Variants in UPRT observed in about 807,000 individuals in gnomAD.
UPRT encodes RP11-311P8.3.
UPRT carries 5 observed loss-of-function variants against 22.6 expected under a neutral mutation model. The ratio of observed to expected loss-of-function variants is 0.22; its 90% confidence interval spans 0.12 to 0.47. The LOEUF (loss-of-function observed/expected upper bound fraction) is 0.47, where lower values mean the gene tolerates loss of function less well. UPRT is among the 20% of genes least tolerant of loss of function. The probability of loss-of-function intolerance (pLI) is 0.99; values close to 1 mark genes in which losing one functional copy is unlikely to be tolerated. For missense variants in UPRT, 181 were observed against 239.9 expected (o/e 0.75, Z 1.62); for synonymous variants, 77 against 87.7 (o/e 0.88, Z 0.68).
At chrX:75,286,774 A>T (rs899696739) in intron 1 of UPRT, among the ~76,000 whole-genome samples, 2 of 111,944 alleles carry the variant, frequency 1.8e-5, no homozygotes, top group Non-Finnish European at 3.8e-5. Context: ...GCATTCCCTT[A>T]TTAGGGCAAA....
chrX:75,174,952 G>C (rs763533932), intron 4 of UPRT, among the ~76,000 whole-genome samples: 1 of 109,836 alleles, frequency 9.1e-6, no homozygotes, highest in Non-Finnish European at 1.9e-5. Flanking sequence ...TTGACTTTCT[G>C]TGTCTGTCCC....
chrX:75,260,135 C>T (rs2082562968), intron 4 of UPRT, among the ~76,000 whole-genome samples: 4 of 112,010 alleles, frequency 3.6e-5, no homozygotes. Context: ...ACAACGGGTA[C>T]CAGCCACTGC....
intron 4 of UPRT, among the ~76,000 whole-genome samples, chrX:75,264,155 G>A (rs2082578509): frequency 9.0e-6 from 1 of 111,427 alleles, no homozygotes; most frequent in Admixed American, 9.6e-5. Flanking sequence ...GTCAGTTTTG[G>A]AATAGGTGTG....
intron 4 of UPRT, among the ~76,000 whole-genome samples, chrX:75,260,932 A>G (rs1602479341): frequency 8.9e-6 from 1 of 112,479 alleles, no homozygotes; most frequent in Middle Eastern, 4.6e-3. Flanking sequence ...TCAAATGAGA[A>G]CTGAGGATTA....
At chrX:75,236,115 T>C (rs1411178312) in intron 4 of UPRT, among the ~76,000 whole-genome samples, 1 of 111,219 alleles carries the variant, frequency 9.0e-6, no homozygotes, top group African/African-American at 3.3e-5. Context: ...GGATACAAAA[T>C]CAATGTACAA....
chrX:75,241,201 C>T (rs188765170), intron 4 of UPRT, among the ~76,000 whole-genome samples: 1 of 111,363 alleles, frequency 9.0e-6, no homozygotes, highest in Admixed American at 9.6e-5. Flanking sequence ...TATCCAGAAT[C>T]TCCAAGGAGC....
Position 75,277,773 on chromosome X carries a change from T to G in UPRT, c.386+3133T>G, listed in dbSNP as rs997206642. Among the ~76,000 whole-genome samples, 4 of 112,122 alleles carry G rather than the reference T, an allele frequency of 3.6e-5. No homozygotes were observed. The East Asian group carries it at 1.1e-3, about 31-fold the overall frequency. ...ACTGGGATATTGTAGATAATTTTTA[T>G]CTTGTTTTGATATAGTATGGAAAGA... On this transcript the variant is annotated intron_variant, in intron 1 of 6. Transcript: ENST00000373383.
intron 4 of UPRT, among the ~76,000 whole-genome samples, chrX:75,188,406 A>C (rs2147616015): frequency 8.9e-6 from 1 of 112,030 alleles, no homozygotes; most frequent in African/African-American, 3.2e-5. Context: ...GTGTGCTGGG[A>C]GAACCACTGC....
intron 1 of UPRT, among the ~76,000 whole-genome samples, chrX:75,159,479 C>G: frequency 8.9e-6 from 1 of 111,906 alleles, no homozygotes. Flanking sequence ...ACAATATGTA[C>G]AGCTATTACA....
chrX:75,214,496 A>G (rs1029028346), intron 4 of UPRT, among the ~76,000 whole-genome samples: 2 of 112,916 alleles, frequency 1.8e-5, no homozygotes, highest in Non-Finnish European at 3.7e-5. Flanking sequence ...TGAAGGGAAC[A>G]TGATGAGGTG....
At chrX:75,198,133 ATATTCACACAATAAAATAC>A (rs2082337924) in intron 4 of UPRT, among the ~76,000 whole-genome samples, 1 of 112,964 alleles carries the variant, frequency 8.9e-6, no homozygotes, top group Non-Finnish European at 1.9e-5. Flanking sequence ...AAATTGTGGT[ATATTCACACAATAAAATAC>A]TACCCAGCTA....
intron 1 of UPRT, among the ~76,000 whole-genome samples, chrX:75,282,791 T>C (rs1272803787): frequency 1.8e-5 from 2 of 111,597 alleles, no homozygotes; most frequent in Non-Finnish European, 3.8e-5. Flanking sequence ...TTAAGTCAAT[T>C]TGTTCCGAGG....
chrX:75,288,680 AC>A (rs1230876648), intron 1 of UPRT, among the ~76,000 whole-genome samples: 3 of 111,923 alleles, frequency 2.7e-5, no homozygotes, highest in African/African-American at 9.7e-5. Context: ...AAAGGAAAAT[AC>A]CTGAAAATAA....
chrX:75,205,263 G>A (rs961159214), intron 4 of UPRT, among the ~76,000 whole-genome samples: 2 of 108,808 alleles, frequency 1.8e-5, no homozygotes. Context: ...CCGGCTACTC[G>A]GGAGGCTGAG....
chrX:75,165,922 A>C (rs1602433778), intron 3 of UPRT, among the ~76,000 whole-genome samples: 2 of 111,646 alleles, frequency 1.8e-5, no homozygotes, highest in South Asian at 7.5e-4. Flanking sequence ...ATTTGACATA[A>C]AAATGATGAA....
chrX:75,210,991 A>C (rs1245975021), intron 4 of UPRT, among the ~76,000 whole-genome samples: 2 of 111,086 alleles, frequency 1.8e-5, no homozygotes, highest in African/African-American at 6.6e-5. Context: ...AATGGAGTCC[A>C]CCAAGCCCTG....
chrX:75,303,537 A>T lies in UPRT; in HGVS notation c.*26A>T. On this transcript the variant is annotated 3_prime_UTR_variant, in exon 7 of 7. Coordinates refer to ENST00000373383, the MANE Select transcript of UPRT (RefSeq NM_145052.4). The stretch of plus-strand genomic sequence containing the variant: ...GTTATTTAAGTAAAATAATTATCTT[A>T]TGTAATATTACAATCATGTTTTGAT... 4.7e-6 allele frequency: 5 copies of T among 1,053,273 alleles called. No individual in the cohort carries two copies. Among genetic ancestry groups the T allele is most frequent in the Non-Finnish European group, 6.5e-6 (5 of 771,308 alleles). 86.8% of individuals were successfully genotyped at this position (1,053,273 alleles called of 1,213,427 possible).
chrX:75,262,730 G>A (rs771774482), intron 4 of UPRT, among the ~76,000 whole-genome samples: 105 of 111,895 alleles, frequency 9.4e-4, no homozygotes, highest in Non-Finnish European at 1.5e-3. Flanking sequence ...AATGGTAAAG[G>A]AATCAAGGCA....
chrX:75,249,884 C>T (rs1395168364), intron 4 of UPRT, among the ~76,000 whole-genome samples: 6 of 111,477 alleles, frequency 5.4e-5, no homozygotes, highest in Non-Finnish European at 1.1e-4. Context: ...TGCAATCAAA[C>T]TGGAACTCAG....
Sources: gnomAD v4.1 joint callset for allele counts (sites outside exome capture counted in the v4.1 genomes callset) on GRCh38, gnomAD v4.1.1 for gene constraint, MANE v1.5 for transcripts, NCBI Gene and HGNC (gene_info 2026-07-23, HGNC 2026-07-21) for gene names.